Variants in STAG1 observed in about 807,000 individuals in gnomAD.
The protein encoded by STAG1 is cohesin subunit SA-1.
In STAG1, 26 loss-of-function variants were observed where a neutral mutation model predicts 170.9. The observed-to-expected ratio is 0.15, with a 90% CI of 0.11 to 0.21. The LOEUF is 0.21. Among genes scored for constraint, STAG1 ranks in the 10% least tolerant of loss-of-function variants. The pLI is 1.00. For missense variants in STAG1, 964 were observed against 1,509.5 expected, an observed-to-expected ratio of 0.64 and a Z score of 5.99; for synonymous variants, 514 against 497.7, an observed-to-expected ratio of 1.03 and a Z score of -0.44.
rs1175764770 is a variant in STAG1, at chr3:136,376,005, T to TAACA, written c.2370+1654_2370+1655insTGTT. ...ATAAATAAATAAATAAATAAATAAA[T>TAACA]AAATAATTAACAAAATAAAATAAAA... On this transcript the variant is annotated intron_variant, in intron 23 of 33. Transcript: ENST00000383202. 5.1e-3 allele frequency among the ~76,000 whole-genome samples: 324 copies of TAACA among 63,876 alleles called. 2 individuals carry two copies. Among genetic ancestry groups the TAACA allele is most frequent in the South Asian group, 0.016 (24 of 1,488 alleles). The allele number at this position is 63,876 out of a possible 152,430, so 41.9% of individuals were successfully genotyped here.
At chr3:136,685,067 C>T (rs1942467184) in intron 1 of STAG1, among the ~76,000 whole-genome samples, 1 of 152,146 alleles carries the variant, frequency 6.6e-6, no homozygotes, top group South Asian at 2.1e-4. Flanking sequence ...GTAATCCCAG[C>T]ACTTTGGGAA....
chr3:136,494,256 C>G (rs777435233), intron 9 of STAG1, among the ~76,000 whole-genome samples: 7 of 152,084 alleles, frequency 4.6e-5, no homozygotes, highest in Non-Finnish European at 1.0e-4. Context: ...GGGTGACAGA[C>G]AGAGACCCTG....
At chr3:136,530,817 G>C (rs141592416) in intron 6 of STAG1, among the ~76,000 whole-genome samples, 4 of 152,220 alleles carry the variant, frequency 2.6e-5, no homozygotes, top group Non-Finnish European at 4.4e-5. Context: ...AGAGTAATAA[G>C]GTTTCAGGCC....
chr3:136,713,084 C>T (rs975746499), intron 1 of STAG1, among the ~76,000 whole-genome samples: 5 of 152,088 alleles, frequency 3.3e-5, no homozygotes, highest in African/African-American at 1.2e-4. Context: ...AAAAGCAAAA[C>T]TCCGTCTCAA....
At chr3:136,604,266 T>C (rs770451341) in intron 4 of STAG1, 43 bp downstream of exon 4, 1 of 1,550,984 alleles carries the variant, frequency 6.4e-7, no homozygotes, top group Non-Finnish European at 8.7e-7. Flanking sequence ...CCCAAGTTAT[T>C]AACTGTATTG....
intron 15 of STAG1, 105 bp downstream of exon 15, chr3:136,443,182 C>A (rs1315932073): frequency 1.5e-6 from 1 of 669,972 alleles, no homozygotes; most frequent in Non-Finnish European, 2.4e-6. Context: ...CAAAAAGACA[C>A]AACATGCTTA....
At chr3:136,498,759 A>G (rs1407085759) in intron 9 of STAG1, among the ~76,000 whole-genome samples, 4 of 152,166 alleles carry the variant, frequency 2.6e-5, no homozygotes, top group Admixed American at 6.5e-5. Context: ...TAAAACAAAT[A>G]TATCAATAAC....
At chr3:136,704,967 G>A (rs1943185858) in intron 1 of STAG1, among the ~76,000 whole-genome samples, 1 of 151,670 alleles carries the variant, frequency 6.6e-6, no homozygotes, top group African/African-American at 2.4e-5. Context: ...AGTAGAAATA[G>A]TTCAACAATA....
intron 21 of STAG1, among the ~76,000 whole-genome samples, chr3:136,411,556 T>C (rs1233228651): frequency 1.3e-5 from 2 of 152,210 alleles, no homozygotes; most frequent in Admixed American, 1.3e-4. Context: ...TCACTTTTAG[T>C]ACTTTTCATA....
chr3:136,422,739 G>A (rs2087995863), intron 18 of STAG1, 29 bp downstream of exon 18: 1 of 1,546,270 alleles, frequency 6.5e-7, no homozygotes, highest in South Asian at 1.2e-5. Flanking sequence ...AACTATAACA[G>A]CTGAATTTCA....
chr3:136,569,743 C>T (rs547587264), intron 4 of STAG1, among the ~76,000 whole-genome samples: 5 of 151,790 alleles, frequency 3.3e-5, no homozygotes, highest in African/African-American at 1.2e-4. Flanking sequence ...AGTGCAATAA[C>T]TAGAAAATAT....
intron 21 of STAG1, among the ~76,000 whole-genome samples, chr3:136,401,334 T>G (rs1248455317): frequency 3.9e-5 from 6 of 152,228 alleles, no homozygotes; most frequent in Admixed American, 3.9e-4. Context: ...TAATCAATTT[T>G]ACTTTCCTTA....
At chr3:136,434,606 A>G (rs1259410226) in intron 15 of STAG1, among the ~76,000 whole-genome samples, 1 of 152,068 alleles carries the variant, frequency 6.6e-6, no homozygotes, top group African/African-American at 2.4e-5. Context: ...CCAGTTTGTC[A>G]TTTGTTATCA....
chr3:136,494,957 T>C (rs1034304053), intron 9 of STAG1, among the ~76,000 whole-genome samples: 5 of 152,154 alleles, frequency 3.3e-5, no homozygotes, highest in South Asian at 2.1e-4. Flanking sequence ...TGTTCAAAAA[T>C]TGACAAGCTG....
chr3:136,707,944 T>A (rs1943271539), intron 1 of STAG1, among the ~76,000 whole-genome samples: 1 of 151,810 alleles, frequency 6.6e-6, no homozygotes, highest in African/African-American at 2.4e-5. Context: ...TACAAACAAA[T>A]CATATTCAAA....
At chr3:136,635,294 G>A (rs955613904) in intron 1 of STAG1, among the ~76,000 whole-genome samples, 1 of 152,094 alleles carries the variant, frequency 6.6e-6, no homozygotes, top group Non-Finnish European at 1.5e-5. Flanking sequence ...ATTTATCTCA[G>A]TCATGCAAGG....
intron 3 of STAG1, among the ~76,000 whole-genome samples, chr3:136,610,595 C>T (rs972243243): frequency 1.3e-5 from 2 of 152,154 alleles, no homozygotes; most frequent in Admixed American, 1.3e-4. Flanking sequence ...AATTTGCCTC[C>T]AAATTTTAAG....
At chr3:136,435,571 T>G (rs986442024) in intron 15 of STAG1, among the ~76,000 whole-genome samples, 5 of 152,234 alleles carry the variant, frequency 3.3e-5, no homozygotes, top group Admixed American at 1.3e-4. Context: ...AATGACATTT[T>G]CAGCTAGAAA....
chr3:136,555,737 G>C (rs1018161288), intron 5 of STAG1, among the ~76,000 whole-genome samples: 1 of 149,552 alleles, frequency 6.7e-6, no homozygotes, highest in Non-Finnish European at 1.5e-5. Flanking sequence ...CAATTTAATA[G>C]TTAAAAAAAA....
Sources: allele counts gnomAD v4.1 joint callset (sites outside exome capture counted in the v4.1 genomes callset), GRCh38; gene constraint gnomAD v4.1.1; transcripts MANE v1.5; gene names NCBI Gene and HGNC (gene_info 2026-07-23, HGNC 2026-07-21).